PTDSS1: variants seen among roughly 807,000 people sequenced by gnomAD.
PTDSS1 encodes the protein PSS-1.
Under a neutral mutation model 70.5 loss-of-function variants are expected in PTDSS1, and 45 were observed. That is an observed-to-expected ratio of 0.64 (90% CI 0.50 to 0.82). The LOEUF (loss-of-function observed/expected upper bound fraction) is 0.82, where lower values mean the gene tolerates loss of function less well. Ranked by LOEUF, PTDSS1 falls within the 40% of genes least tolerant of loss-of-function variation. PTDSS1 has a pLI of 0.00. For synonymous variants in PTDSS1, 188 were observed against 203.8 expected (o/e 0.92, Z 0.66); for missense variants, 417 against 586.1 (o/e 0.71, Z 2.98).
chr8:96,325,436 G>A (rs879726778), intron 10 of PTDSS1, among the ~76,000 whole-genome samples: 1 of 152,206 alleles, frequency 6.6e-6, no homozygotes, highest in Admixed American at 6.5e-5. Flanking sequence ...TTAGTGATAT[G>A]TGAGCAGGAT....
In PTDSS1 at chr8:96,333,535, C is replaced by G. The variant is rs1811548737; in HGVS notation, c.1391C>G (p.Ser464Ter). ...SSRRRNRHSK[S>*]KVTNGVGKK Reference sequence around the variant, plus strand: ...AGGAGAAGGAATCGGCATTCCAAGTCAAAAGTCACCAATGGCGTTGGAAAG... The same window carrying G: ...AGGAGAAGGAATCGGCATTCCAAGTGAAAAGTCACCAATGGCGTTGGAAAG... The change falls in exon 13 of 13, where the codon TCA becomes TGA. Residue 464 changes from serine to a stop codon, truncating the protein, a stop_gained. Transcript: ENST00000517309. LOFTEE classifies it high-confidence loss of function. 2 of 1,612,594 alleles carry G rather than the reference C, an allele frequency of 1.2e-6. No homozygotes were observed. The highest frequency in any genetic ancestry group is 3.3e-5 in the Admixed American group (2 of 59,988).
rs1287033168 is a variant in PTDSS1 at position 96,262,880 on chromosome 8, A to G, written c.179+661A>G. Among the ~76,000 whole-genome samples the G allele has an allele frequency of 6.6e-6, 1 of 152,084 alleles. No homozygotes were observed. Among genetic ancestry groups the G allele is most frequent in the Non-Finnish European group, 1.5e-5 (1 of 68,012 alleles). On this transcript the variant is annotated intron_variant, in intron 1 of 12. Transcript: ENST00000517309. The surrounding 1 kb of genome is among the most constrained non-coding windows in gnomAD (Gnocchi z 4.4). ...GTACCACGGCACAAACTGCCACTCT[A>G]AACACACACCTCACAGCGGACCTTT...
At chr8:96,269,845 C>T (rs1023683084) in intron 1 of PTDSS1, among the ~76,000 whole-genome samples, 18 of 152,152 alleles carry the variant, frequency 1.2e-4, no homozygotes, top group Non-Finnish European at 1.9e-4. Flanking sequence ...GAGTCCCTAC[C>T]CAATGATAGG....
intron 1 of PTDSS1, among the ~76,000 whole-genome samples, chr8:96,272,741 G>A (rs1351939052): frequency 2.6e-5 from 4 of 152,214 alleles, no homozygotes; most frequent in African/African-American, 9.7e-5. Flanking sequence ...TGCCTGGTCA[G>A]TGCCTGGCAC....
At chr8:96,281,748 T>C (rs1810740508) in intron 2 of PTDSS1, among the ~76,000 whole-genome samples, 1 of 152,108 alleles carries the variant, frequency 6.6e-6, no homozygotes, top group African/African-American at 2.4e-5. Flanking sequence ...TGAAAGTTCA[T>C]AGGAAAGTCC....
intron 9 of PTDSS1, 96 bp from the exon 10 acceptor site, chr8:96,320,150 G>T: frequency 9.4e-7 from 1 of 1,061,620 alleles, no homozygotes; most frequent in South Asian, 1.4e-5. Context: ...ATCGCATGAT[G>T]AGTTGAACTT....
At chr8:96,319,325 A>G (rs143206300) in intron 9 of PTDSS1, among the ~76,000 whole-genome samples, 1 of 152,302 alleles carries the variant, frequency 6.6e-6, no homozygotes, top group Non-Finnish European at 1.5e-5. Context: ...CAGTATTCAT[A>G]TGCTGCCTGG....
chr8:96,307,449 CAAAAAAAAAAAAAAAAAAAA>C (rs56284473), intron 8 of PTDSS1, among the ~76,000 whole-genome samples: 1 of 50,634 alleles, frequency 2.0e-5, no homozygotes, highest in Admixed American at 3.0e-4. Flanking sequence ...TCAATATTAC[CAAAAAAAAAAAAAAAAAAAA>C]AAAAAAAAAA....
chr8:96,321,389 GGTT>G (rs1811370802), intron 10 of PTDSS1, among the ~76,000 whole-genome samples: 3 of 152,122 alleles, frequency 2.0e-5, no homozygotes, highest in Non-Finnish European at 2.9e-5. Flanking sequence ...TTTTCTTAAA[GGTT>G]GTATTTGTTT....
chr8:96,295,349 G>A (rs189849402), intron 5 of PTDSS1, 93 bp downstream of exon 5: 42 of 1,325,262 alleles, frequency 3.2e-5, no homozygotes, highest in African/African-American at 1.6e-4. Context: ...CAGTTAATCC[G>A]TTCTCCAGCC....
intron 9 of PTDSS1, among the ~76,000 whole-genome samples, chr8:96,310,289 C>G (rs182087213): frequency 2.6e-5 from 4 of 151,152 alleles, no homozygotes; most frequent in Non-Finnish European, 5.9e-5. Flanking sequence ...CTCAGCCTCC[C>G]AAGTAGCTGG....
At chr8:96,295,679 A>G (rs1330476482) in intron 5 of PTDSS1, among the ~76,000 whole-genome samples, 3 of 152,208 alleles carry the variant, frequency 2.0e-5, no homozygotes, top group African/African-American at 7.2e-5. Flanking sequence ...TGCAAAATGG[A>G]TTCCAAATGT....
At chr8:96,321,150 G>T (rs1268511990) in intron 10 of PTDSS1, among the ~76,000 whole-genome samples, 2 of 152,122 alleles carry the variant, frequency 1.3e-5, no homozygotes, top group African/African-American at 2.4e-5. Flanking sequence ...CCCATCATCG[G>T]TTATCAACTC....
intron 8 of PTDSS1, among the ~76,000 whole-genome samples, chr8:96,308,253 G>A (rs1284771377): frequency 6.6e-6 from 1 of 152,100 alleles, no homozygotes; most frequent in Non-Finnish European, 1.5e-5. Flanking sequence ...TAAGGAAATG[G>A]GTCCAGTTAG....
rs762184286 is a variant in PTDSS1, at chr8:96,284,113, G to A, written c.276G>A (p.Pro92=). Residue 92 remains proline (P), a synonymous_variant, in exon 3 of 13, where the codon CCG becomes CCA. Transcript: ENST00000517309. The part of the protein sequence containing the change: ...IISVLAFPNG[P]FTRPHPALWR... ...TATAATGTTATTTATCTGCAGGTCC[G>A]TTCACTCGACCTCATCCAGCCTTAT... 84 of 1,608,592 alleles carry A rather than the reference G, an allele frequency of 5.2e-5. No homozygotes were observed. The highest frequency in any genetic ancestry group is 8.9e-5 in the East Asian group (4 of 44,806).
chr8:96,285,419 C>A (rs1240111438), intron 3 of PTDSS1, among the ~76,000 whole-genome samples: 2 of 147,554 alleles, frequency 1.4e-5, no homozygotes, highest in African/African-American at 2.7e-5. Context: ...AAGAGCAGGG[C>A]ATGAAGGGCA....
chr8:96,333,024 T>C (rs1449888372), intron 12 of PTDSS1, among the ~76,000 whole-genome samples: 2 of 152,224 alleles, frequency 1.3e-5, no homozygotes, highest in Non-Finnish European at 2.9e-5. Context: ...GTCAAGAGTC[T>C]TTCCTGATGT....
intron 4 of PTDSS1, among the ~76,000 whole-genome samples, chr8:96,292,854 T>G (rs1251391770): frequency 1.3e-5 from 2 of 152,204 alleles, no homozygotes; most frequent in African/African-American, 4.8e-5. Flanking sequence ...CCACAAAAAT[T>G]GCTGCATGGC....
At chr8:96,331,226 C>T in intron 12 of PTDSS1, 131 bp downstream of exon 12, 1 of 839,298 alleles carries the variant, frequency 1.2e-6, no homozygotes, top group Non-Finnish European at 1.9e-6. Flanking sequence ...TCTCCTGTCA[C>T]TTATTAAGAA....
Sources: allele counts gnomAD v4.1 joint callset (sites outside exome capture counted in the v4.1 genomes callset), GRCh38; gene constraint gnomAD v4.1.1; non-coding constraint Gnocchi (gnomAD v3.1); transcripts MANE v1.5; gene names NCBI Gene and HGNC (gene_info 2026-07-23, HGNC 2026-07-21).